Variants in UGT1A3 observed in about 807,000 individuals in gnomAD.
UGT1A3 encodes the protein UDP-glucuronosyltransferase 1A3.
In UGT1A3, 31 loss-of-function variants were observed where a neutral mutation model predicts 41.0. That is an observed-to-expected ratio of 0.76 (90% CI 0.57 to 1.02). The LOEUF (loss-of-function observed/expected upper bound fraction) is 1.02, where lower values mean the gene tolerates loss of function less well. Ranked by LOEUF, UGT1A3 falls within the 50% of genes least tolerant of loss-of-function variation. The probability of loss-of-function intolerance (pLI) is 0.00; values close to 1 mark genes in which losing one functional copy is unlikely to be tolerated. For missense variants in UGT1A3, 737 were observed against 671.0 expected (o/e 1.10, Z -1.09); for synonymous variants, 262 against 257.6 (o/e 1.02, Z -0.17).
intron 1 of UGT1A3, among the ~76,000 whole-genome samples, chr2:233,765,395 G>A (rs1009787089): frequency 6.6e-6 from 1 of 152,142 alleles, no homozygotes; most frequent in Non-Finnish European, 1.5e-5. Context: ...AGAAAATGTG[G>A]TACATATACA....
chr2:233,760,268 C>T (rs1166163686), intron 1 of UGT1A3: 1 of 1,612,240 alleles, frequency 6.2e-7, no homozygotes, highest in Admixed American at 1.7e-5. Context: ...GGGCGAACCT[C>T]TGGCAGGAGC....
chr2:233,734,728 G>A (rs893989156), intron 1 of UGT1A3, among the ~76,000 whole-genome samples: 13 of 150,534 alleles, frequency 8.6e-5, no homozygotes, highest in African/African-American at 3.2e-4. Flanking sequence ...TGTTCTCGTC[G>A]GTTTCAAAGA....
intron 1 of UGT1A3, among the ~76,000 whole-genome samples, chr2:233,766,473 C>CA (rs574900488): frequency 1.1e-4 from 17 of 152,240 alleles, no homozygotes; most frequent in African/African-American, 4.1e-4. Context: ...TTTTTATAGG[C>CA]ACATGATGGG....
At chr2:233,752,004 G>A (rs558992613) in intron 1 of UGT1A3, among the ~76,000 whole-genome samples, 1 of 152,302 alleles carries the variant, frequency 6.6e-6, no homozygotes, top group Admixed American at 6.5e-5. Context: ...GAAAGTTGAT[G>A]AGAAAGTGGA....
At chr2:233,743,929 G>C in intron 1 of UGT1A3, 1 of 1,360,304 alleles carries the variant, frequency 7.4e-7, no homozygotes, top group Non-Finnish European at 9.8e-7. Flanking sequence ...TGGATGGCCA[G>C]AACGGCCCAC....
At chr2:233,745,951 T>G (rs946594198) in intron 1 of UGT1A3, among the ~76,000 whole-genome samples, 1 of 151,238 alleles carries the variant, frequency 6.6e-6, no homozygotes, top group African/African-American at 2.4e-5. Context: ...GTTGGGCAAC[T>G]GGGGGACAGG....
At chr2:233,748,952 T>TC (rs753200268) in intron 1 of UGT1A3, among the ~76,000 whole-genome samples, 4 of 151,666 alleles carry the variant, frequency 2.6e-5, no homozygotes, top group South Asian at 2.1e-4. Flanking sequence ...CCTATCCCAC[T>TC]CCAAGTTTCT....
At chr2:233,772,210 A>T in intron 4 of UGT1A3, 52 bp from the exon 5 acceptor site, 1 of 1,610,530 alleles carries the variant, frequency 6.2e-7, no homozygotes, top group Non-Finnish European at 8.5e-7. Flanking sequence ...TAAAGAGAGG[A>T]TTGTTCATAC....
intron 1 of UGT1A3, chr2:233,760,559 C>A (rs776620061): frequency 1.2e-6 from 2 of 1,614,238 alleles, no homozygotes; most frequent in Admixed American, 3.3e-5. Flanking sequence ...GTGAAAGAGT[C>A]TTTTGTTAGT....
At chr2:233,761,970 T>C (rs1029002470) in intron 1 of UGT1A3, among the ~76,000 whole-genome samples, 6 of 152,224 alleles carry the variant, frequency 3.9e-5, no homozygotes, top group Non-Finnish European at 8.8e-5. Context: ...GGGACTGATA[T>C]CACCTTCGGA....
At chr2:233,748,877 GAAT>G (rs1390549231) in intron 1 of UGT1A3, among the ~76,000 whole-genome samples, 4 of 151,560 alleles carry the variant, frequency 2.6e-5, no homozygotes, top group Non-Finnish European at 4.4e-5. Flanking sequence ...GGACGGTGAT[GAAT>G]GGACATGTGT....
chr2:233,745,241 G>C (rs1693049313), intron 1 of UGT1A3, among the ~76,000 whole-genome samples: 1 of 151,840 alleles, frequency 6.6e-6, no homozygotes. Context: ...ACTATTTACT[G>C]TATCGAAACC....
intron 1 of UGT1A3, among the ~76,000 whole-genome samples, chr2:233,736,444 A>G (rs1261930355): frequency 1.3e-5 from 2 of 152,138 alleles, no homozygotes; most frequent in Non-Finnish European, 2.9e-5. Flanking sequence ...CTTCCTTGCA[A>G]TAGGTTCGAA....
chr2:233,738,821 A>C (rs1039985874), intron 1 of UGT1A3: 1 of 152,270 alleles, frequency 6.6e-6, no homozygotes, highest in African/African-American at 2.4e-5. Context: ...AATTTGAATA[A>C]ATAAGGAGGA....
At chr2:233,764,870 C>A (rs17868342) in intron 1 of UGT1A3, among the ~76,000 whole-genome samples, 19,813 of 151,898 alleles carry the variant, frequency 0.13, 1,414 homozygotes, top group East Asian at 0.2. Context: ...TAGATGAGCC[C>A]AAGGGAAAAG....
chr2:233,732,744 C>T (rs1207999893), intron 1 of UGT1A3, among the ~76,000 whole-genome samples: 2 of 150,716 alleles, frequency 1.3e-5, no homozygotes, highest in Non-Finnish European at 2.9e-5. Context: ...TAGCATGATG[C>T]CACCAGCTTT....
chr2:233,758,735 C>T (rs1420217475), intron 1 of UGT1A3, among the ~76,000 whole-genome samples: 1 of 152,162 alleles, frequency 6.6e-6, no homozygotes, highest in Admixed American at 6.5e-5. Context: ...AGCACATCCC[C>T]AAGTATGGCT....
chr2:233,764,474 A>G (rs1415490690), intron 1 of UGT1A3, among the ~76,000 whole-genome samples: 1 of 152,114 alleles, frequency 6.6e-6, no homozygotes, highest in East Asian at 1.9e-4. Context: ...CTGCTATTTA[A>G]CTTCGAATGT....
At chr2:233,765,711 T>TTAA (rs10664358) in intron 1 of UGT1A3, among the ~76,000 whole-genome samples, 1,596 of 149,282 alleles carry the variant, frequency 0.011, 27 homozygotes, top group African/African-American at 0.036. Context: ...ATAATAATAA[T>TTAA]TAATAATAAT....
Sources: allele counts gnomAD v4.1 joint callset (sites outside exome capture counted in the v4.1 genomes callset), GRCh38; gene constraint gnomAD v4.1.1; transcripts MANE v1.5; gene names NCBI Gene and HGNC (gene_info 2026-07-23, HGNC 2026-07-21).